ARID1A: variants seen among roughly 807,000 people sequenced by gnomAD.
ARID1A encodes the protein AT-rich interaction domain 1A, also known as AT-rich interactive domain-containing protein 1A.
Under a neutral mutation model 212.6 loss-of-function variants are expected in ARID1A, and 20 were observed. That is an observed-to-expected ratio of 0.09 (90% CI 0.07 to 0.14). ARID1A has a LOEUF of 0.14. Ranked by LOEUF, ARID1A falls within the 10% of genes least tolerant of loss-of-function variation. The probability of loss-of-function intolerance (pLI) is 1.00; values close to 1 mark genes in which losing one functional copy is unlikely to be tolerated. For synonymous variants in ARID1A, 1,376 were observed against 1,222.1 expected, an observed-to-expected ratio of 1.13 and a Z score of -2.63; for missense variants, 2,587 against 3,059.0, an observed-to-expected ratio of 0.85 and a Z score of 3.64.
intron 10 of ARID1A, 51 bp downstream of exon 10, chr1:26,766,617 G>C (rs2124082695): frequency 1.3e-6 from 2 of 1,489,998 alleles, no homozygotes; most frequent in Non-Finnish European, 1.8e-6. Context: ...ATCTTTTTCA[G>C]TGATAGGAAG....
intron 3 of ARID1A, 101 bp from the exon 4 acceptor site, chr1:26,732,575 T>C: frequency 1.1e-6 from 1 of 932,194 alleles, no homozygotes; most frequent in Non-Finnish European, 1.7e-6. Context: ...GGACTTTCTC[T>C]CACACTCATG....
At position 26,771,343 on chromosome 1, in the gene ARID1A, C is replaced by T. The variant is rs1160405386; in HGVS notation, c.3406+17C>T. The T allele has an allele frequency of 7.4e-6, 12 of 1,611,308 alleles. No individual in the cohort carries two copies. Among genetic ancestry groups the T allele is most frequent in the Middle Eastern group, 1.7e-4 (1 of 5,986 alleles). On this transcript the variant is annotated intron_variant, in intron 12 of 19. Coordinates refer to ENST00000324856, the MANE Select transcript of ARID1A (RefSeq NM_006015.6). The surrounding 1 kb of genome is among the most constrained non-coding windows in gnomAD (Gnocchi z 5.4). ...CCTCTCCTGGTAAGGATGGGGTCAG[C>T]GGCCCCACCAAGGCTGAGAGGGCCT... is the stretch of plus-strand genomic sequence containing the variant.
At position 26,780,956 on chromosome 1, in the gene ARID1A, G is replaced by C; in HGVS notation, c.*200G>C. ...TCCCTCCATCACCTCACGCCTTTCT[G>C]TTCCTTGTCCTCACCTTACTCCCCT... On this transcript the variant is annotated 3_prime_UTR_variant, in exon 20 of 20. Coordinates refer to ENST00000324856, the MANE Select transcript of ARID1A (RefSeq NM_006015.6). The surrounding 1 kb of genome is among the most constrained non-coding windows in gnomAD (Gnocchi z 7.2). The C allele has an allele frequency of 1.4e-6, 1 of 701,124 alleles. No individual in the cohort carries two copies. The highest frequency in any genetic ancestry group is 2.2e-6 in the Non-Finnish European group (1 of 446,006). 43.4% of individuals were successfully genotyped at this position (701,124 alleles called of 1,614,324 possible).
chr1:26,761,259 CTT>C (rs1231770159), intron 5 of ARID1A, 123 bp from the exon 6 acceptor site: 3 of 1,455,510 alleles, frequency 2.1e-6, no homozygotes, highest in Non-Finnish European at 2.8e-6. Context: ...GGCTGGATCT[CTT>C]TGTGTGTGAT....
At chr1:26,775,472 T>G in intron 18 of ARID1A, 105 bp from the exon 19 acceptor site, 1 of 1,508,594 alleles carries the variant, frequency 6.6e-7, no homozygotes, top group Non-Finnish European at 8.9e-7. Context: ...GAAACTGCCT[T>G]CCACCTTGTG....
chr1:26,773,542 C>A (rs770281705), intron 15 of ARID1A, 38 bp from the exon 16 acceptor site: 3 of 1,614,102 alleles, frequency 1.9e-6, no homozygotes, highest in Non-Finnish European at 2.5e-6. Context: ...CACCCTGAAG[C>A]TATAGTGGGC....
intron 14 of ARID1A, 64 bp downstream of exon 14, chr1:26,773,051 A>G (rs1334710199): frequency 1.9e-6 from 3 of 1,554,422 alleles, no homozygotes; most frequent in South Asian, 2.4e-5. Context: ...AATGGGGGGA[A>G]ATCTTGAGAA....
At chr1:26,751,617 A>C (rs1252129387) in intron 4 of ARID1A, among the ~76,000 whole-genome samples, 1 of 152,248 alleles carries the variant, frequency 6.6e-6, no homozygotes, top group Non-Finnish European at 1.5e-5. Context: ...TGTGAAAATT[A>C]AATGAGAGTC....
In ARID1A at chr1:26,772,283, T is replaced by C. The variant is rs1195159347; in HGVS notation, c.3407-217T>C. On this transcript the variant is annotated intron_variant, in intron 12 of 19. Coordinates refer to ENST00000324856, the MANE Select transcript of ARID1A (RefSeq NM_006015.6). ...GGTGATGTCATGGCCACATCACTCCTCTTTTCTACACGTAAAACAAAAACA... is the reference window on the plus strand; with the variant it reads ...GGTGATGTCATGGCCACATCACTCCCCTTTTCTACACGTAAAACAAAAACA... 22 of 629,998 alleles carry C rather than the reference T, an allele frequency of 3.5e-5. No individual in the cohort carries two copies. In the South Asian group the frequency reaches 4.2e-4, roughly 12 times the overall value. The allele number at this position is 629,998 out of a possible 1,614,324, so 39.0% of individuals were successfully genotyped here. A position where few individuals can be genotyped will look rare whatever the true frequency, so the allele number is the denominator to read the frequency against.
intron 6 of ARID1A, 144 bp downstream of exon 6, chr1:26,761,617 G>T (rs1032092501): frequency 1.3e-6 from 1 of 759,554 alleles, no homozygotes; most frequent in Non-Finnish European, 2.1e-6. Context: ...AAAAGTTGAC[G>T]TAATAATTGT....
chr1:26,729,846 C>T lies in ARID1A; in HGVS notation c.1333C>T (p.Leu445Phe). 1 of 1,614,066 alleles carries T rather than the reference C, an allele frequency of 6.2e-7. No homozygotes were observed. The highest frequency in any genetic ancestry group is 8.5e-7 in the Non-Finnish European group (1 of 1,180,002). Reference protein sequence around the residue: ...QGRAQSAMGGLSYTQQIPPYG... With the variant: ...QGRAQSAMGGFSYTQQIPPYG... ...CCGGGCGCAGAGTGCCATGGGCGGC[C>T]TCTCTTATACACAGCAGGTAGATGG... The change falls in exon 2 of 20, where the codon CTC (leucine) becomes TTC (phenylalanine). Residue 445 changes from leucine (L) to phenylalanine (F), a missense_variant. This residue lies in a region of ARID1A where 674 missense variants were observed against 813.4 expected (regional missense o/e 0.83). Transcript: ENST00000324856.
chr1:26,708,756 G>A (rs1017003419), intron 1 of ARID1A, among the ~76,000 whole-genome samples: 5 of 151,342 alleles, frequency 3.3e-5, no homozygotes, highest in Non-Finnish European at 5.9e-5. Flanking sequence ...GTGCAGTGGC[G>A]CGATCTTGGC....
intron 4 of ARID1A, among the ~76,000 whole-genome samples, chr1:26,739,723 G>A (rs2080769322): frequency 6.6e-6 from 1 of 152,122 alleles, no homozygotes; most frequent in African/African-American, 2.4e-5. Context: ...TACCACCCTG[G>A]GAGCTCCTCT....
rs1048593166 is a variant in ARID1A at position 26,696,305 on chromosome 1, G to A, written c.-99G>A. On this transcript the variant is annotated 5_prime_UTR_variant, in exon 1 of 20. Transcript: ENST00000324856. ...CCCGCGAGGCCCGCCCGGGCGGGTGGGGAGGGCAGCCCGGGGGACTGGGCC... is the reference window on the plus strand; with the variant it reads ...CCCGCGAGGCCCGCCCGGGCGGGTGAGGAGGGCAGCCCGGGGGACTGGGCC... 1.7e-6 allele frequency: 2 copies of A among 1,189,756 alleles called. No individual in the cohort carries two copies. The highest frequency in any genetic ancestry group is 9.0e-5 in the Admixed American group (2 of 22,308). The allele number at this position is 1,189,756 out of a possible 1,614,324, so 73.7% of individuals were successfully genotyped here. A position where few individuals can be genotyped will look rare whatever the true frequency, so the allele number is the denominator to read the frequency against.
chr1:26,744,790 G>T (rs1299593901), intron 4 of ARID1A, among the ~76,000 whole-genome samples: 1 of 152,136 alleles, frequency 6.6e-6, no homozygotes, highest in African/African-American at 2.4e-5. Context: ...AAGAAAGCGT[G>T]TGCTGACTCA....
In ARID1A at chr1:26,696,084, GC is replaced by G. The variant is rs1057345414; in HGVS notation, c.-314del. On this transcript the variant is annotated 5_prime_UTR_variant, in exon 1 of 20. Coordinates refer to ENST00000324856, the MANE Select transcript of ARID1A (RefSeq NM_006015.6). ...GGCCCTGGGGAGCGGAGCCTCCACC[GC>G]CCCCCTCATTCCCAGGCAAGGGCTT... is the stretch of plus-strand genomic sequence containing the variant. The G allele has an allele frequency of 6.5e-6, 3 of 460,952 alleles. No homozygotes were observed. The highest frequency in any genetic ancestry group is 8.8e-6 in the Non-Finnish European group (3 of 339,134). The allele number at this position is 460,952 out of a possible 1,614,324, so 28.6% of individuals were successfully genotyped here.
At chr1:26,767,598 A>C (rs554220582) in intron 10 of ARID1A, among the ~76,000 whole-genome samples, 192 bp from the exon 11 acceptor site, 1 of 152,328 alleles carries the variant, frequency 6.6e-6, no homozygotes, top group Non-Finnish European at 1.5e-5. Flanking sequence ...ATTTAGTGTT[A>C]GCTTCCTTCC....
intron 4 of ARID1A, among the ~76,000 whole-genome samples, chr1:26,757,891 G>A (rs1035174173): frequency 1.2e-4 from 18 of 152,084 alleles, no homozygotes; most frequent in Admixed American, 8.5e-4. Context: ...GCCTACCTCG[G>A]CCTCCTAAAG....
At position 26,779,200 on chromosome 1, in the gene ARID1A, C is replaced by T; in HGVS notation, c.5302C>T (p.Leu1768Phe). ...PMEGGEEEEE[L>F]LGPKLEEEEE... ...GGAGGGTGGGGAAGAAGAAGAAGAA[C>T]TTCTAGGTCCTAAACTAGAAGAGGA... The change falls in exon 20 of 20, where the codon CTT becomes TTT. Residue 1768 changes from leucine to phenylalanine, a missense_variant. Leu to Phe is a conservative substitution (Grantham distance 22). Around this residue, in one of 11 missense-constraint regions of ARID1A, gnomAD observed 890 missense variants for 1,098.2 expected, o/e 0.81. Transcript: ENST00000324856. 2 of 1,611,546 alleles carry T rather than the reference C, an allele frequency of 1.2e-6. No homozygotes were observed. Among genetic ancestry groups the T allele is most frequent in the East Asian group, 2.2e-5 (1 of 44,850 alleles).
Sources: allele counts gnomAD v4.1 joint callset (sites outside exome capture counted in the v4.1 genomes callset), GRCh38; gene constraint gnomAD v4.1.1; regional missense constraint gnomAD v4.1.1; non-coding constraint Gnocchi (gnomAD v3.1); transcripts MANE v1.5; gene names NCBI Gene and HGNC (gene_info 2026-07-23, HGNC 2026-07-21).